Variants in ELFN1 observed in about 807,000 individuals in gnomAD.
The protein encoded by ELFN1 is protein ELFN1.
Under a neutral mutation model 7.6 loss-of-function variants are expected in ELFN1, and 6 were observed. That is an observed-to-expected ratio of 0.79 (90% confidence interval 0.43 to 1.56). ELFN1 has a LOEUF of 1.56. Ranked by LOEUF, ELFN1 falls within the 40% of genes most tolerant of loss-of-function variation. ELFN1 has a pLI of 0.01. For missense variants in ELFN1, 1,169 were observed against 1,232.2 expected, an observed-to-expected ratio of 0.95 and a Z score of 0.77; for synonymous variants, 657 against 588.1, an observed-to-expected ratio of 1.12 and a Z score of -1.70.
At chr7:1,729,594 C>T (rs1469954687) in intron 3 of ELFN1, among the ~76,000 whole-genome samples, 1 of 152,218 alleles carries the variant, frequency 6.6e-6, no homozygotes, top group Non-Finnish European at 1.5e-5. Context: ...CACGGCTTCG[C>T]TTCTACCAGC....
chr7:1,682,222 A>G (rs958806804), intron 1 of ELFN1, among the ~76,000 whole-genome samples: 28 of 152,180 alleles, frequency 1.8e-4, no homozygotes, highest in African/African-American at 5.5e-4. Flanking sequence ...GTTTTCTTCT[A>G]GGACGTTTAT....
intron 1 of ELFN1, among the ~76,000 whole-genome samples, chr7:1,675,800 A>G (rs1778859267): frequency 6.6e-6 from 1 of 152,232 alleles, no homozygotes; most frequent in African/African-American, 2.4e-5. Flanking sequence ...GTCGAGACAC[A>G]GCCCGAAGTA....
At chr7:1,703,304 C>T (rs540444397) in intron 2 of ELFN1, among the ~76,000 whole-genome samples, 15 of 152,286 alleles carry the variant, frequency 9.8e-5, no homozygotes, top group Non-Finnish European at 1.5e-4. Context: ...CTGTCACATT[C>T]GCCACAAATA....
At chr7:1,730,952 G>T (rs190636433) in intron 3 of ELFN1, among the ~76,000 whole-genome samples, 1 of 152,164 alleles carries the variant, frequency 6.6e-6, no homozygotes, top group South Asian at 2.1e-4. Flanking sequence ...AATTTAATAC[G>T]AAGGTGCTGG....
Position 1,746,035 on chromosome 7 carries a change from T to G in ELFN1, c.1439T>G (p.Leu480Arg). 6.5e-7 allele frequency: 1 copy of G among 1,545,840 alleles called. No individual in the cohort carries two copies. Among genetic ancestry groups the G allele is most frequent in the Non-Finnish European group, 8.7e-7 (1 of 1,144,390 alleles). The change falls in exon 4 of 4, where the codon CTG becomes CGG. Residue 480 changes from leucine to arginine, a missense_variant. This residue lies in a region of ELFN1 where 914 missense variants were observed against 872.6 expected (regional missense o/e 1.05). Transcript: ENST00000424383. ...KYGPELEAPG[L>R]APLSQGPLLG... is the part of the protein sequence containing the mutation. ...GGGCCAGAGCTGGAGGCGCCCGGCC[T>G]GGCCCCGCTGTCCCAGGGCCCGCTG...
At chr7:1,733,012 T>G (rs755687813) in intron 3 of ELFN1, among the ~76,000 whole-genome samples, 2 of 152,204 alleles carry the variant, frequency 1.3e-5, no homozygotes, top group African/African-American at 2.4e-5. Flanking sequence ...GCGATTCTCC[T>G]GCCTCAGCCT....
At chr7:1,722,016 G>A (rs915089069) in intron 3 of ELFN1, among the ~76,000 whole-genome samples, 7 of 152,140 alleles carry the variant, frequency 4.6e-5, no homozygotes, top group African/African-American at 7.2e-5. Flanking sequence ...CGAAGTGGAC[G>A]GTCTTCTGCG....
chr7:1,746,736 G>A lies in ELFN1; in HGVS notation c.2140G>A (p.Glu714Lys), dbSNP rs1392537637. The change falls in exon 4 of 4, where the codon GAG (glutamate) becomes AAG (lysine). Residue 714 changes from glutamate to lysine, a missense_variant. Physicochemically the swap from Glu to Lys is moderately conservative, Grantham distance 56 (BLOSUM62 1). Coordinates refer to ENST00000424383, the MANE Select transcript of ELFN1 (RefSeq NM_001128636.4). Reference sequence around the variant, plus strand: ...CTCGTACCCCGGCTCCCACCCGGCCGAGCCACCTGCGCCCCCCGGGCCACC... The same window carrying A: ...CTCGTACCCCGGCTCCCACCCGGCCAAGCCACCTGCGCCCCCCGGGCCACC... ...RHSYPGSHPA[E>K]PPAPPGPPPP... 2.0e-6 allele frequency: 3 copies of A among 1,486,128 alleles called. No individual in the cohort carries two copies. Among genetic ancestry groups the A allele is most frequent in the African/African-American group, 1.5e-5 (1 of 68,158 alleles). The allele number at this position is 1,486,128 out of a possible 1,614,324, so 92.1% of individuals were successfully genotyped here.
intron 1 of ELFN1, among the ~76,000 whole-genome samples, chr7:1,678,174 G>T (rs1473664669): frequency 6.6e-6 from 1 of 152,132 alleles, no homozygotes; most frequent in African/African-American, 2.4e-5. Flanking sequence ...TGCACAGTGT[G>T]TGTGCCACCG....
chr7:1,668,826 TC>T, upstream of ELFN1, among the ~76,000 whole-genome samples: 1 of 152,346 alleles, frequency 6.6e-6, no homozygotes, highest in African/African-American at 2.4e-5. Context: ...GCTTAGGTGT[TC>T]CAAACCACCG....
At chr7:1,679,177 GCGCACA>G (rs1413764766) in intron 1 of ELFN1, among the ~76,000 whole-genome samples, 2 of 149,566 alleles carry the variant, frequency 1.3e-5, no homozygotes, top group African/African-American at 2.5e-5. Context: ...ACACGTACGC[GCGCACA>G]CACACACACA....
At chr7:1,728,885 CT>C (rs1406427092) in intron 3 of ELFN1, among the ~76,000 whole-genome samples, 1 of 152,152 alleles carries the variant, frequency 6.6e-6, no homozygotes, top group African/African-American at 2.4e-5. Flanking sequence ...TCGCATCTCA[CT>C]GTCGTGATGG....
At chr7:1,730,598 C>T (rs774619527) in intron 3 of ELFN1, among the ~76,000 whole-genome samples, 15 of 152,262 alleles carry the variant, frequency 9.9e-5, no homozygotes, top group South Asian at 4.1e-4. Flanking sequence ...TTCATAATGA[C>T]GAAAGGCATT....
In ELFN1 at chr7:1,705,638, G is replaced by C. The variant is rs562039368; in HGVS notation, c.-455-3453G>C. Among the ~76,000 whole-genome samples the C allele has an allele frequency of 1.3e-5, 2 of 152,258 alleles. No individual in the cohort carries two copies. Among genetic ancestry groups the C allele is most frequent in the African/African-American group, 4.8e-5 (2 of 41,466 alleles). Reference sequence around the variant, plus strand: ...CCTCAATTTACCCTCGCCTCTGGGGGCTGCTGTCCCTCTGGGCCCTTGCCC... The same window carrying C: ...CCTCAATTTACCCTCGCCTCTGGGGCCTGCTGTCCCTCTGGGCCCTTGCCC... On this transcript the variant is annotated intron_variant, in intron 2 of 3. Coordinates refer to ENST00000424383, the MANE Select transcript of ELFN1 (RefSeq NM_001128636.4). The surrounding 1 kb of genome is among the most constrained non-coding windows in gnomAD (Gnocchi z 4.3).
intron 3 of ELFN1, among the ~76,000 whole-genome samples, chr7:1,732,718 G>C (rs1199248900): frequency 2.0e-5 from 3 of 152,032 alleles, no homozygotes; most frequent in African/African-American, 4.8e-5. Context: ...ATGTCGGTGG[G>C]GAGAAATATG....
intron 1 of ELFN1, among the ~76,000 whole-genome samples, chr7:1,678,667 C>T (rs1206189704): frequency 6.6e-6 from 1 of 152,210 alleles, no homozygotes; most frequent in Non-Finnish European, 1.5e-5. Context: ...CTGCACCCAC[C>T]ACCAGCCTCA....
intron 1 of ELFN1, among the ~76,000 whole-genome samples, chr7:1,681,767 T>G (rs905922486): frequency 3.3e-5 from 5 of 152,230 alleles, no homozygotes; most frequent in Non-Finnish European, 5.9e-5. Context: ...CCTGCTATTG[T>G]CGGTCTTTTT....
At chr7:1,706,931 G>T (rs1443462703) in intron 2 of ELFN1, among the ~76,000 whole-genome samples, 1 of 152,074 alleles carries the variant, frequency 6.6e-6, no homozygotes, top group African/African-American at 2.4e-5. Flanking sequence ...GAGAGCGATG[G>T]GTGTGCCTGT....
intron 1 of ELFN1, among the ~76,000 whole-genome samples, chr7:1,674,063 AC>A: frequency 6.6e-6 from 1 of 151,776 alleles, no homozygotes; most frequent in African/African-American, 2.4e-5. Flanking sequence ...GGCGAGGACC[AC>A]TGCTCTGCTC....
Sources: gnomAD v4.1 joint callset for allele counts (sites outside exome capture counted in the v4.1 genomes callset) on GRCh38, gnomAD v4.1.1 for gene constraint, gnomAD v4.1.1 regional missense constraint, Gnocchi (gnomAD v3.1) non-coding constraint, MANE v1.5 for transcripts, NCBI Gene and HGNC (gene_info 2026-07-23, HGNC 2026-07-21) for gene names.